Variants in EPHA6 observed in about 807,000 individuals in gnomAD.
EPHA6 encodes ephrin type-A receptor 6.
In EPHA6, 50 loss-of-function variants were observed where a neutral mutation model predicts 112.0. The ratio of observed to expected loss-of-function variants is 0.45; its 90% CI spans 0.36 to 0.56. The LOEUF is 0.56. Ranked by LOEUF, EPHA6 falls within the 20% of genes least tolerant of loss-of-function variation. The pLI is 0.00. For synonymous variants in EPHA6, 529 were observed against 490.7 expected (o/e 1.08, Z -1.03); for missense variants, 1,280 against 1,417.4 (o/e 0.90, Z 1.56).
At chr3:97,443,129 A>G (rs1010251069) in intron 6 of EPHA6, among the ~76,000 whole-genome samples, 4 of 152,036 alleles carry the variant, frequency 2.6e-5, no homozygotes, top group Non-Finnish European at 5.9e-5. Flanking sequence ...TATCCTGGAA[A>G]CATCTCCACA....
At chr3:97,178,243 A>T (rs1426136392) in intron 3 of EPHA6, among the ~76,000 whole-genome samples, 1 of 152,070 alleles carries the variant, frequency 6.6e-6, no homozygotes, top group Non-Finnish European at 1.5e-5. Flanking sequence ...CTATGCCTTA[A>T]CTTTTATCAC....
chr3:97,167,901 C>A (rs1420832157), intron 3 of EPHA6, among the ~76,000 whole-genome samples: 1 of 151,846 alleles, frequency 6.6e-6, no homozygotes, highest in Non-Finnish European at 1.5e-5. Context: ...CATTTTAATA[C>A]TCTGAAGTTT....
intron 3 of EPHA6, among the ~76,000 whole-genome samples, chr3:97,070,194 T>C (rs2046309999): frequency 6.6e-6 from 1 of 152,168 alleles, no homozygotes; most frequent in Non-Finnish European, 1.5e-5. Flanking sequence ...ATCTTTGTCA[T>C]CTATTTGTGT....
At chr3:96,993,518 C>A (rs963837101) in intron 3 of EPHA6, among the ~76,000 whole-genome samples, 1 of 152,090 alleles carries the variant, frequency 6.6e-6, no homozygotes, top group Non-Finnish European at 1.5e-5. Flanking sequence ...CAGGCATGAG[C>A]CACTGCTCCT....
intron 1 of EPHA6, among the ~76,000 whole-genome samples, chr3:96,848,443 A>G (rs967658383): frequency 1.3e-5 from 2 of 151,990 alleles, no homozygotes; most frequent in South Asian, 2.1e-4. Flanking sequence ...CCAGACCAAC[A>G]TGGTGAAACT....
At chr3:97,413,631 C>T (rs1398948142) in intron 6 of EPHA6, among the ~76,000 whole-genome samples, 5 of 151,916 alleles carry the variant, frequency 3.3e-5, no homozygotes, top group Middle Eastern at 3.2e-3. Flanking sequence ...AATTACAGTT[C>T]TCTGTCTGGG....
chr3:96,837,830 GT>G (rs890763559), intron 1 of EPHA6, among the ~76,000 whole-genome samples: 6 of 151,924 alleles, frequency 3.9e-5, no homozygotes, highest in African/African-American at 1.4e-4. Flanking sequence ...AATCTTTCAA[GT>G]TTTTTTTAAC....
At chr3:97,052,802 C>A (rs566411010) in intron 3 of EPHA6, among the ~76,000 whole-genome samples, 116 of 152,010 alleles carry the variant, frequency 7.6e-4, no homozygotes, top group Non-Finnish European at 1.4e-3. Context: ...ACTCAGGGGA[C>A]CAGCTAGGAA....
intron 4 of EPHA6, among the ~76,000 whole-genome samples, chr3:97,236,923 G>T (rs2078696006): frequency 1.3e-5 from 2 of 152,026 alleles, no homozygotes; most frequent in Admixed American, 1.3e-4. Context: ...TGCTCAGGAT[G>T]CTCACAATCC....
intron 5 of EPHA6, among the ~76,000 whole-genome samples, chr3:97,329,618 C>G (rs1228588860): frequency 2.0e-5 from 3 of 150,140 alleles, no homozygotes; most frequent in Admixed American, 6.7e-5. Flanking sequence ...ATGTCTTCTT[C>G]TGAGAAGTGT....
At chr3:97,693,840 T>C (rs760150218) in intron 14 of EPHA6, among the ~76,000 whole-genome samples, 6 of 151,956 alleles carry the variant, frequency 3.9e-5, no homozygotes, top group Non-Finnish European at 7.4e-5. Context: ...AAAAGACTAT[T>C]GTTTAGCAAG....
intron 15 of EPHA6, among the ~76,000 whole-genome samples, chr3:97,729,363 C>G (rs1227119597): frequency 6.6e-6 from 1 of 152,090 alleles, no homozygotes; most frequent in African/African-American, 2.4e-5. Context: ...AATGGACTCA[C>G]AGTTCCTCAT....
At chr3:97,393,408 C>G (rs16838606) in intron 5 of EPHA6, among the ~76,000 whole-genome samples, 1 of 151,776 alleles carries the variant, frequency 6.6e-6, no homozygotes, top group African/African-American at 2.4e-5. Flanking sequence ...ACAAGCTTAA[C>G]AGTGAGCACG....
At chr3:97,691,458 C>T (rs957851824) in intron 14 of EPHA6, among the ~76,000 whole-genome samples, 1 of 152,144 alleles carries the variant, frequency 6.6e-6, no homozygotes, top group Non-Finnish European at 1.5e-5. Context: ...AATCAAAATA[C>T]ACAATTATTT....
chr3:97,676,254 G>A (rs1388823445), intron 14 of EPHA6, among the ~76,000 whole-genome samples: 4 of 151,984 alleles, frequency 2.6e-5, no homozygotes, highest in Non-Finnish European at 5.9e-5. Flanking sequence ...ATGAGGAGGA[G>A]GATACTGAGA....
Position 97,510,444 on chromosome 3 carries a change from C to T in EPHA6, c.2201-21914C>T, listed in dbSNP as rs150675947. On this transcript the variant is annotated intron_variant, in intron 10 of 17. Transcript: ENST00000389672. ...TAGTTTTCCTTCTAGCAGTCAGGCCCCTCTGCTGCAGGTCTGCTGGGGTTT... is the reference window on the plus strand; with the variant it reads ...TAGTTTTCCTTCTAGCAGTCAGGCCTCTCTGCTGCAGGTCTGCTGGGGTTT... Among the ~76,000 whole-genome samples the T allele has an allele frequency of 1.9e-3, 283 of 152,290 alleles. 1 individual carries two copies. The highest frequency in any genetic ancestry group is 6.3e-3 in the African/African-American group (262 of 41,580).
chr3:97,003,484 A>G (rs947729636), intron 3 of EPHA6, among the ~76,000 whole-genome samples: 3 of 152,248 alleles, frequency 2.0e-5, no homozygotes, highest in Admixed American at 6.5e-5. Context: ...GGAGAGATCT[A>G]TTTGGGGAAA....
chr3:97,606,073 G>A (rs1391427974), intron 12 of EPHA6: 1 of 151,356 alleles, frequency 6.6e-6, no homozygotes, highest in South Asian at 2.1e-4. Flanking sequence ...CAATTTAGAC[G>A]TTAATTCTGC....
chr3:96,920,114 A>G (rs1474125423), intron 2 of EPHA6, among the ~76,000 whole-genome samples: 1 of 151,928 alleles, frequency 6.6e-6, no homozygotes. Flanking sequence ...AGTCAATTTT[A>G]TGTTTTTCTT....
Sources: gnomAD v4.1 joint callset for allele counts (sites outside exome capture counted in the v4.1 genomes callset) on GRCh38, gnomAD v4.1.1 for gene constraint, MANE v1.5 for transcripts, NCBI Gene and HGNC (gene_info 2026-07-23, HGNC 2026-07-21) for gene names.